The following CFAP299 variants were observed in gnomAD, a reference collection of about 807,000 sequenced individuals.
CFAP299 encodes cilia- and flagella-associated protein 299.
In CFAP299, 21 loss-of-function variants were observed where a neutral mutation model predicts 27.0. The observed-to-expected ratio is 0.78, with a 90% confidence interval of 0.55 to 1.12. The LOEUF (loss-of-function observed/expected upper bound fraction) is 1.12, where lower values mean the gene tolerates loss of function less well. CFAP299 is among the 50% of genes most tolerant of loss of function. The probability of loss-of-function intolerance (pLI) is 0.00; values close to 1 mark genes in which losing one functional copy is unlikely to be tolerated. For synonymous variants in CFAP299, 104 were observed against 98.1 expected (o/e 1.06, Z -0.36); for missense variants, 310 against 276.6 (o/e 1.12, Z -0.86).
In CFAP299 at chr4:80,378,911, T is replaced by C. The variant is rs184509043; in HGVS notation, c.242+16027T>C. ...CATTTTATGTATTTGTCTTTAGTCT[T>C]TTTGTAAGGCCTTTTCTGATTTTCT... On this transcript the variant is annotated intron_variant, in intron 2 of 5. Coordinates refer to ENST00000358105, the MANE Select transcript of CFAP299 (RefSeq NM_152770.3). 2.4e-4 allele frequency among the ~76,000 whole-genome samples: 37 copies of C among 152,210 alleles called. 2 individuals carry two copies. In the East Asian group the frequency reaches 7.1e-3, roughly 29 times the overall value.
intron 2 of CFAP299, among the ~76,000 whole-genome samples, chr4:80,567,741 A>G: frequency 6.6e-6 from 1 of 150,892 alleles, no homozygotes; most frequent in Non-Finnish European, 1.5e-5. Context: ...TTATATATAT[A>G]TATATATATA....
At chr4:80,663,724 A>G (rs1479983435) in intron 3 of CFAP299, among the ~76,000 whole-genome samples, 1 of 152,172 alleles carries the variant, frequency 6.6e-6, no homozygotes, top group Non-Finnish European at 1.5e-5. Context: ...GTCTTCCACA[A>G]TGGTTGAACT....
chr4:80,506,908 C>G (rs145418489), intron 2 of CFAP299, among the ~76,000 whole-genome samples: 2 of 152,050 alleles, frequency 1.3e-5, no homozygotes, highest in Non-Finnish European at 2.9e-5. Flanking sequence ...GCTGATCATG[C>G]GGTCCATGGT....
chr4:80,644,155 C>G (rs1199359799), intron 3 of CFAP299, among the ~76,000 whole-genome samples: 1 of 152,130 alleles, frequency 6.6e-6, no homozygotes, highest in Non-Finnish European at 1.5e-5. Context: ...AAGCCACTTA[C>G]AGAGTAATGT....
At chr4:80,739,641 A>G (rs1446398453) in intron 3 of CFAP299, among the ~76,000 whole-genome samples, 1 of 151,472 alleles carries the variant, frequency 6.6e-6, no homozygotes, top group African/African-American at 2.4e-5. Flanking sequence ...TCAAAGTTTG[A>G]TTAAGTCCCC....
chr4:80,343,764 C>A (rs892075228), intron 1 of CFAP299, among the ~76,000 whole-genome samples: 14 of 135,092 alleles, frequency 1.0e-4, no homozygotes, highest in African/African-American at 3.6e-4. Context: ...AGTCCGCAGT[C>A]CGGTCCGGCC....
At chr4:80,386,522 G>T (rs867079050) in intron 2 of CFAP299, 2 of 1,574,698 alleles carry the variant, frequency 1.3e-6, no homozygotes, top group African/African-American at 2.7e-5. Flanking sequence ...TGGGGGGGGG[G>T]GGTGCCGCCG....
chr4:80,815,918 A>G (rs548852968), intron 3 of CFAP299, among the ~76,000 whole-genome samples: 37 of 152,138 alleles, frequency 2.4e-4, no homozygotes, highest in African/African-American at 8.4e-4. Context: ...TAAAATAAAT[A>G]ATTTTTTGAA....
intron 3 of CFAP299, among the ~76,000 whole-genome samples, chr4:80,766,799 A>C (rs1725889222): frequency 6.6e-6 from 1 of 152,210 alleles, no homozygotes; most frequent in Non-Finnish European, 1.5e-5. Context: ...ATCTCATCAA[A>C]TTTGGCCTTG....
chr4:80,875,328 A>G (rs1733314070), intron 4 of CFAP299, among the ~76,000 whole-genome samples: 1 of 152,182 alleles, frequency 6.6e-6, no homozygotes, highest in Non-Finnish European at 1.5e-5. Flanking sequence ...AAAATTTCCC[A>G]CAAAATATCT....
At chr4:80,925,471 A>G (rs1218268878) in intron 4 of CFAP299, among the ~76,000 whole-genome samples, 1 of 151,978 alleles carries the variant, frequency 6.6e-6, no homozygotes, top group Non-Finnish European at 1.5e-5. Flanking sequence ...GCAAAAAAAG[A>G]TTGCTGAGTA....
intron 3 of CFAP299, among the ~76,000 whole-genome samples, chr4:80,601,431 G>C (rs952707403): frequency 6.5e-4 from 99 of 152,156 alleles, no homozygotes; most frequent in African/African-American, 2.3e-3. Context: ...TAGAGTTTGA[G>C]GGCATTATTT....
chr4:80,529,255 G>C (rs1053793115), intron 2 of CFAP299, among the ~76,000 whole-genome samples: 3 of 151,798 alleles, frequency 2.0e-5, no homozygotes, highest in Non-Finnish European at 4.4e-5. Context: ...CTGCCTCATA[G>C]GCTCTCTTCC....
At chr4:80,423,750 C>T (rs949369998) in intron 2 of CFAP299, among the ~76,000 whole-genome samples, 1 of 152,100 alleles carries the variant, frequency 6.6e-6, no homozygotes, top group African/African-American at 2.4e-5. Context: ...GATTGGGCTG[C>T]CAGAATGGTG....
intron 3 of CFAP299, among the ~76,000 whole-genome samples, chr4:80,590,919 G>T (rs1488492637): frequency 6.6e-6 from 1 of 151,908 alleles, no homozygotes; most frequent in Non-Finnish European, 1.5e-5. Context: ...TAAAATTTAT[G>T]ATTCCAATAT....
At chr4:80,414,271 C>T (rs1053054256) in intron 2 of CFAP299, among the ~76,000 whole-genome samples, 2 of 151,288 alleles carry the variant, frequency 1.3e-5, no homozygotes, top group Admixed American at 6.6e-5. Context: ...GGGGTTTCAC[C>T]GTTTTAGCCA....
chr4:80,634,883 C>G (rs1433723656), intron 3 of CFAP299, among the ~76,000 whole-genome samples: 1 of 152,020 alleles, frequency 6.6e-6, no homozygotes, highest in Non-Finnish European at 1.5e-5. Context: ...GCCAACCAAA[C>G]TAGAATTTGC....
At chr4:80,539,229 C>T (rs541354036) in intron 2 of CFAP299, among the ~76,000 whole-genome samples, 1 of 152,008 alleles carries the variant, frequency 6.6e-6, no homozygotes. Flanking sequence ...AAATTTATAC[C>T]CTGTATTTTG....
intron 3 of CFAP299, among the ~76,000 whole-genome samples, chr4:80,844,562 T>C (rs572153365): frequency 1.3e-5 from 2 of 152,126 alleles, no homozygotes; most frequent in Non-Finnish European, 2.9e-5. Context: ...CTTTTGAGAA[T>C]TGTCTGTTCA....
Sources: allele counts gnomAD v4.1 joint callset (sites outside exome capture counted in the v4.1 genomes callset), GRCh38; gene constraint gnomAD v4.1.1; transcripts MANE v1.5; gene names NCBI Gene and HGNC (gene_info 2026-07-23, HGNC 2026-07-21).